PALM2AKAP2: variants seen among roughly 807,000 people sequenced by gnomAD.
PALM2AKAP2 encodes the protein PALM2 and AKAP2 fusion.
A neutral mutation model predicts 71.5 loss-of-function variants in PALM2AKAP2; 37 were observed. That is an observed-to-expected ratio of 0.52 (90% CI 0.40 to 0.68). The LOEUF is 0.68. PALM2AKAP2 is among the 30% of genes least tolerant of loss of function. PALM2AKAP2 has a pLI of 0.00. For synonymous variants in PALM2AKAP2, 468 were observed against 478.8 expected (o/e 0.98, Z 0.29); for missense variants, 1,224 against 1,191.8 (o/e 1.03, Z -0.40).
Position 109,674,203 on chromosome 9 carries a change from C to T in PALM2AKAP2, c.5+33337C>T, listed in dbSNP as rs147785111. Among the ~76,000 whole-genome samples the T allele has an allele frequency of 1.7e-3, 259 of 151,778 alleles. 3 individuals carry two copies. The South Asian group carries it at 0.032, about 18-fold the overall frequency. ...TTTTTTGTTAGATTTCATATCTTTC[C>T]TAAGTTTTCTTATCTTTTTATTCAT... is the stretch of plus-strand genomic sequence containing the variant. On this transcript the variant is annotated intron_variant, in intron 1 of 6. Coordinates refer to the PALM2AKAP2 transcript ENST00000374531.
At chr9:110,141,929 G>C (rs1454257820) in intron 2 of PALM2AKAP2, among the ~76,000 whole-genome samples, 1 of 152,092 alleles carries the variant, frequency 6.6e-6, no homozygotes, top group Non-Finnish European at 1.5e-5. Context: ...CCCCTGGTGT[G>C]GAAATGCTAT....
chr9:110,040,564 T>C (rs951760623), intron 7 of PALM2AKAP2, among the ~76,000 whole-genome samples: 1 of 152,340 alleles, frequency 6.6e-6, no homozygotes, highest in South Asian at 2.1e-4. Flanking sequence ...CCCCCTAATA[T>C]GACTGGAAAA....
intron 2 of PALM2AKAP2, among the ~76,000 whole-genome samples, chr9:110,143,086 G>A (rs118010236): frequency 0.13 from 20,348 of 151,990 alleles, 1,370 homozygotes; most frequent in East Asian, 0.19. Flanking sequence ...CCAATAGTGT[G>A]TGCATGTGTG....
intron 1 of PALM2AKAP2, among the ~76,000 whole-genome samples, chr9:109,798,211 G>A (rs991373805): frequency 6.6e-6 from 1 of 152,108 alleles, no homozygotes; most frequent in Non-Finnish European, 1.5e-5. Flanking sequence ...TTGGAATAGG[G>A]CCTACCCTAA....
intron 1 of PALM2AKAP2, among the ~76,000 whole-genome samples, chr9:109,730,902 G>T (rs1828547564): frequency 6.6e-6 from 1 of 150,858 alleles, no homozygotes; most frequent in African/African-American, 2.4e-5. Context: ...TCATTTGCCA[G>T]TGGAAAAAAA....
At chr9:110,035,494 CAT>C (rs762566651) in intron 7 of PALM2AKAP2, among the ~76,000 whole-genome samples, 34 of 138,488 alleles carry the variant, frequency 2.5e-4, no homozygotes, top group African/African-American at 5.5e-4. Context: ...TTATATATAA[CAT>C]ATATATGATA....
intron 1 of PALM2AKAP2, among the ~76,000 whole-genome samples, chr9:109,750,017 A>C (rs1192813868): frequency 6.6e-6 from 1 of 152,238 alleles, no homozygotes; most frequent in Non-Finnish European, 1.5e-5. Flanking sequence ...CATCTGCATG[A>C]GATCAAAAGT....
chr9:109,744,912 C>T (rs17202392), intron 1 of PALM2AKAP2, among the ~76,000 whole-genome samples: 39,846 of 152,020 alleles, frequency 0.26, 5,449 homozygotes, highest in East Asian at 0.37. Context: ...TCCTCTCTTC[C>T]GGAAGACTCT....
intron 7 of PALM2AKAP2, among the ~76,000 whole-genome samples, chr9:110,024,164 A>G (rs529017953): frequency 1.3e-5 from 2 of 152,294 alleles, no homozygotes; most frequent in South Asian, 4.1e-4. Context: ...ATATGATTCA[A>G]TAATGTTTCA....
At chr9:110,079,123 C>A (rs1225039135) in intron 1 of PALM2AKAP2, among the ~76,000 whole-genome samples, 1 of 152,086 alleles carries the variant, frequency 6.6e-6, no homozygotes, top group Non-Finnish European at 1.5e-5. Flanking sequence ...TGATGAAGTA[C>A]CTCAAAAATC....
intron 1 of PALM2AKAP2, among the ~76,000 whole-genome samples, chr9:110,116,382 GTGTGTGCGCA>G (rs927443810): frequency 1.3e-5 from 2 of 151,912 alleles, no homozygotes; most frequent in African/African-American, 2.4e-5. Context: ...GTGCGTGTGT[GTGTGTGCGCA>G]TGTGTGTGCG....
At chr9:110,054,434 A>G (rs114561084) in intron 1 of PALM2AKAP2, among the ~76,000 whole-genome samples, 2,263 of 152,156 alleles carry the variant, frequency 0.015, 62 homozygotes, top group African/African-American at 0.051. Context: ...CCTGTTCAAA[A>G]CTTGTGTAAA....
intron 1 of PALM2AKAP2, among the ~76,000 whole-genome samples, chr9:109,817,433 C>A (rs2099250422): frequency 6.6e-6 from 1 of 152,190 alleles, no homozygotes; most frequent in South Asian, 2.1e-4. Flanking sequence ...AAAATTCAAA[C>A]CCCTATAATT....
chr9:110,055,774 G>A (rs2132525236), intron 1 of PALM2AKAP2, among the ~76,000 whole-genome samples: 1 of 152,288 alleles, frequency 6.6e-6, no homozygotes, highest in Non-Finnish European at 1.5e-5. Flanking sequence ...CACTGTGCCT[G>A]GAGTGCCCTG....
chr9:109,765,517 A>G (rs1829137918), intron 1 of PALM2AKAP2: 2 of 151,942 alleles, frequency 1.3e-5, no homozygotes, highest in South Asian at 2.0e-4. Flanking sequence ...CATCATCATC[A>G]ATGACATCTG....
chr9:109,991,395 C>T (rs1832478917), intron 6 of PALM2AKAP2, among the ~76,000 whole-genome samples: 1 of 151,882 alleles, frequency 6.6e-6, no homozygotes, highest in Non-Finnish European at 1.5e-5. Flanking sequence ...CACCACCACA[C>T]CCAGCTAATT....
At chr9:110,153,159 G>C (rs1271361166) in intron 2 of PALM2AKAP2, among the ~76,000 whole-genome samples, 1 of 152,178 alleles carries the variant, frequency 6.6e-6, no homozygotes, top group Non-Finnish European at 1.5e-5. Context: ...CAATAAGCAG[G>C]AAATGTCTTT....
At chr9:109,695,943 T>C (rs2087303881) in intron 1 of PALM2AKAP2, among the ~76,000 whole-genome samples, 1 of 152,158 alleles carries the variant, frequency 6.6e-6, no homozygotes, top group Non-Finnish European at 1.5e-5. Flanking sequence ...AGTTCTAGTG[T>C]TTGATAAAAC....
At chr9:110,035,834 TTATATATAATA>T (rs1833396938) in intron 7 of PALM2AKAP2, among the ~76,000 whole-genome samples, 1 of 147,402 alleles carries the variant, frequency 6.8e-6, no homozygotes, top group South Asian at 2.1e-4. Flanking sequence ...ATGTTGTGTG[TTATATATAATA>T]TATATGATAT....
Sources: allele counts gnomAD v4.1 joint callset (sites outside exome capture counted in the v4.1 genomes callset), GRCh38; gene constraint gnomAD v4.1.1; transcripts MANE v1.5; gene names NCBI Gene and HGNC (gene_info 2026-07-23, HGNC 2026-07-21).